The following DHRSX variants were observed in gnomAD, a reference collection of about 807,000 sequenced individuals.
DHRSX encodes dehydrogenase/reductase X-linked, also known as polyprenol dehydrogenase.
Under a neutral mutation model 34.0 loss-of-function variants are expected in DHRSX, and 31 were observed. That is an observed-to-expected ratio of 0.91 (90% confidence interval 0.69 to 1.23). The LOEUF (loss-of-function observed/expected upper bound fraction) is 1.23, where lower values mean the gene tolerates loss of function less well. Among genes scored for constraint, DHRSX ranks in the 50% most tolerant of loss-of-function variants. DHRSX has a pLI of 0.00. For missense variants in DHRSX, 414 were observed against 428.1 expected, an observed-to-expected ratio of 0.97 and a Z score of 0.29; for synonymous variants, 201 against 183.8, an observed-to-expected ratio of 1.09 and a Z score of -0.76.
intron 3 of DHRSX, among the ~76,000 whole-genome samples, chrX:2,327,456 G>A (rs1171391643): frequency 1.3e-5 from 2 of 152,326 alleles, no homozygotes; most frequent in East Asian, 3.9e-4. Context: ...TGTGCTGCAG[G>A]TGAGCATCAC....
chrX:2,403,261 C>T (rs140454907), intron 3 of DHRSX, among the ~76,000 whole-genome samples: 1 of 152,114 alleles, frequency 6.6e-6, no homozygotes, highest in Admixed American at 6.6e-5. Context: ...CGAGACCTTA[C>T]TCATTCTATC....
chrX:2,399,809 G>T (rs1370282999), intron 3 of DHRSX, among the ~76,000 whole-genome samples: 1 of 151,614 alleles, frequency 6.6e-6, no homozygotes, highest in Non-Finnish European at 1.5e-5. Flanking sequence ...AAGGTGGGAG[G>T]ATCGCCTGAG....
chrX:2,304,132 G>A (rs1569485848), intron 3 of DHRSX, among the ~76,000 whole-genome samples: 12 of 140,686 alleles, frequency 8.5e-5, no homozygotes, highest in Non-Finnish European at 1.1e-4. Flanking sequence ...TAAATGGATG[G>A]ATGGATGAAT....
intron 6 of DHRSX, among the ~76,000 whole-genome samples, chrX:2,229,130 G>A (rs995008136): frequency 6.6e-6 from 1 of 152,158 alleles, no homozygotes; most frequent in Non-Finnish European, 1.5e-5. Context: ...GTTGTGCTGA[G>A]AGAGATCTGA....
intron 5 of DHRSX, among the ~76,000 whole-genome samples, chrX:2,257,909 G>A (rs1473674445): frequency 6.6e-6 from 1 of 152,220 alleles, no homozygotes; most frequent in Admixed American, 6.5e-5. Context: ...TTACAGGCAT[G>A]AGCCACCATG....
chrX:2,325,449 G>C (rs1305726960), intron 3 of DHRSX, among the ~76,000 whole-genome samples: 1 of 152,186 alleles, frequency 6.6e-6, no homozygotes, highest in Non-Finnish European at 1.5e-5. Context: ...CTAGAGACTA[G>C]ACACGTTCAA....
intron 6 of DHRSX, among the ~76,000 whole-genome samples, chrX:2,236,823 C>T (rs1025714044): frequency 6.6e-6 from 1 of 151,032 alleles, no homozygotes; most frequent in Non-Finnish European, 1.5e-5. Flanking sequence ...AGACTGTAGT[C>T]AGGGACAGTC....
intron 1 of DHRSX, among the ~76,000 whole-genome samples, chrX:2,463,847 A>G (rs1038603776): frequency 9.8e-5 from 15 of 152,314 alleles, no homozygotes; most frequent in Middle Eastern, 3.4e-3. Flanking sequence ...ACAGACACAG[A>G]CACGCAGAAG....
chrX:2,476,637 A>C (rs781455085), intron 1 of DHRSX, among the ~76,000 whole-genome samples: 5 of 152,274 alleles, frequency 3.3e-5, no homozygotes, highest in African/African-American at 1.2e-4. Flanking sequence ...TCCATTCCTC[A>C]AAACAACGCC....
chrX:2,286,692 G>GAA (rs760386790), intron 4 of DHRSX, among the ~76,000 whole-genome samples: 2,014 of 146,836 alleles, frequency 0.014, 33 homozygotes, highest in African/African-American at 0.038. Context: ...ACCCACAGAG[G>GAA]AAAAAAAAAA....
At position 2,431,378 on chromosome X, in the gene DHRSX, T is replaced by G. The variant is rs182552669; in HGVS notation, c.110-6074A>C. On this transcript the variant is annotated intron_variant, in intron 1 of 6. Coordinates refer to ENST00000334651, the MANE Select transcript of DHRSX (RefSeq NM_145177.3). ...CCCCCAAACTTTGTCCAATCCGGAG[T>G]TGACAGACACCTAAGTTTGATTCCA... is the stretch of plus-strand genomic sequence containing the variant. Among the ~76,000 whole-genome samples the G allele has an allele frequency of 1.6e-3, 238 of 151,110 alleles. 1 individual carries two copies. Among genetic ancestry groups the G allele is most frequent in the African/African-American group, 5.5e-3 (228 of 41,138 alleles).
chrX:2,369,431 A>ATG (rs968179382), intron 3 of DHRSX, among the ~76,000 whole-genome samples: 3 of 152,026 alleles, frequency 2.0e-5, no homozygotes, highest in African/African-American at 7.2e-5. Flanking sequence ...GCTGGACTAG[A>ATG]TGTGTGTGTG....
chrX:2,455,053 G>C (rs1209019130), intron 1 of DHRSX, among the ~76,000 whole-genome samples: 1 of 151,452 alleles, frequency 6.6e-6, no homozygotes, highest in African/African-American at 2.4e-5. Context: ...CAGAGGTTGC[G>C]GTGAGTCAAG....
chrX:2,226,909 TCA>T (rs2015677847), intron 6 of DHRSX, among the ~76,000 whole-genome samples: 1 of 152,244 alleles, frequency 6.6e-6, no homozygotes, highest in African/African-American at 2.4e-5. Context: ...CTCATCGTTC[TCA>T]GAGTCGCTTT....
intron 1 of DHRSX, among the ~76,000 whole-genome samples, chrX:2,426,574 CTTCA>C (rs1378490245): frequency 7.2e-6 from 1 of 138,548 alleles, no homozygotes; most frequent in Non-Finnish European, 1.5e-5. Flanking sequence ...TCTTTCTTTT[CTTCA>C]TTCCTTCCTT....
intron 1 of DHRSX, among the ~76,000 whole-genome samples, chrX:2,446,855 A>G (rs1241451375): frequency 1.3e-5 from 2 of 152,140 alleles, no homozygotes; most frequent in East Asian, 1.9e-4. Context: ...GATGTTCCCA[A>G]AGAATGGGGC....
rs2015487005 is a variant in DHRSX at position 2,219,907 on chromosome X, T to G, written c.*1134A>C. 1.3e-5 allele frequency: 2 copies of G among 152,146 alleles called. No individual in the cohort carries two copies. Among genetic ancestry groups the G allele is most frequent in the African/African-American group, 4.8e-5 (2 of 41,438 alleles). The allele number at this position is 152,146 out of a possible 1,614,324, so 9.4% of individuals were successfully genotyped here. A position where few individuals can be genotyped will look rare whatever the true frequency, so the allele number is the denominator to read the frequency against. On this transcript the variant is annotated 3_prime_UTR_variant, in exon 7 of 7. Transcript: ENST00000334651. ...GATTGAGCCTTCCTTGCCTGGCTGG[T>G]GAGTAAGAGTGAGCCTCTATACCAA...
chrX:2,238,202 A>T (rs187887846), intron 6 of DHRSX, among the ~76,000 whole-genome samples: 46 of 152,234 alleles, frequency 3.0e-4, no homozygotes, highest in African/African-American at 1.1e-3. Context: ...AAAAAATTTT[A>T]AAAAATTAGC....
intron 3 of DHRSX, among the ~76,000 whole-genome samples, chrX:2,374,037 T>C (rs1404681305): frequency 6.6e-6 from 1 of 152,192 alleles, no homozygotes; most frequent in Non-Finnish European, 1.5e-5. Context: ...AAAAGACCTC[T>C]GCACCTGCAC....
Sources: allele counts gnomAD v4.1 joint callset (sites outside exome capture counted in the v4.1 genomes callset), GRCh38; gene constraint gnomAD v4.1.1; transcripts MANE v1.5; gene names NCBI Gene and HGNC (gene_info 2026-07-23, HGNC 2026-07-21).